Variants in TAFA5 observed in about 807,000 individuals in gnomAD.
The protein encoded by TAFA5 is TAFA chemokine like family member 5.
Under a neutral mutation model 15.3 loss-of-function variants are expected in TAFA5, and 6 were observed. The observed-to-expected ratio is 0.39, with a 90% CI of 0.21 to 0.77. The LOEUF (loss-of-function observed/expected upper bound fraction) is 0.77, where lower values mean the gene tolerates loss of function less well. Among genes scored for constraint, TAFA5 ranks in the 30% least tolerant of loss-of-function variants. TAFA5 has a pLI of 0.41. For synonymous variants in TAFA5, 103 were observed against 80.7 expected (o/e 1.28, Z -1.48); for missense variants, 161 against 193.1 (o/e 0.83, Z 0.98).
intron 2 of TAFA5, among the ~76,000 whole-genome samples, chr22:48,687,513 C>T (rs13056754): frequency 3.9e-5 from 6 of 152,182 alleles, no homozygotes; most frequent in African/African-American, 1.4e-4. Context: ...AACTATGAAG[C>T]CTTCTGTGAG....
chr22:48,747,159 C>G (rs1003410033), intron 3 of TAFA5, among the ~76,000 whole-genome samples: 1 of 152,204 alleles, frequency 6.6e-6, no homozygotes, highest in African/African-American at 2.4e-5. Context: ...AGCCTAAGAA[C>G]TAAGGGGCCC....
intron 2 of TAFA5, among the ~76,000 whole-genome samples, chr22:48,654,731 C>T (rs907318724): frequency 3.9e-5 from 6 of 152,146 alleles, no homozygotes; most frequent in African/African-American, 1.4e-4. Flanking sequence ...AACTGTCTGG[C>T]GTGGAGGAAA....
chr22:48,626,745 C>G (rs1926037958), intron 1 of TAFA5, among the ~76,000 whole-genome samples: 1 of 152,216 alleles, frequency 6.6e-6, no homozygotes, highest in South Asian at 2.1e-4. Context: ...TGATGCTTAT[C>G]TAAAAGCTCA....
rs188887581 is a variant in TAFA5, at chr22:48,609,628, G to A, written c.113-36969G>A. On this transcript the variant is annotated intron_variant, in intron 1 of 3. Coordinates refer to ENST00000402357, the MANE Select transcript of TAFA5 (RefSeq NM_001082967.3). ...GCAAAAGAACCACCATGATTCTGAA[G>A]CTCACAGACCTGAGGATGGTGTATG... Among the ~76,000 whole-genome samples, 155 of 152,290 alleles carry A rather than the reference G, an allele frequency of 1.0e-3. 1 individual carries two copies. The highest frequency in any genetic ancestry group is 3.6e-3 in the African/African-American group (151 of 41,572).
rs1340906868 is a variant in TAFA5, at chr22:48,576,448, C to T, written c.113-70149C>T. On this transcript the variant is annotated intron_variant, in intron 1 of 3. Transcript: ENST00000402357. Reference sequence around the variant, plus strand: ...CGGCGCCTGGACCTTCGCTGCGCGACTTCGGGGGCGTCGGCCGAGTTGGGA... The same window carrying T: ...CGGCGCCTGGACCTTCGCTGCGCGATTTCGGGGGCGTCGGCCGAGTTGGGA... 15 of 1,377,158 alleles carry T rather than the reference C, an allele frequency of 1.1e-5. No individual in the cohort carries two copies. The East Asian group carries it at 4.6e-4, about 42-fold the overall frequency. The allele number at this position is 1,377,158 out of a possible 1,614,324, so 85.3% of individuals were successfully genotyped here.
At chr22:48,743,249 G>A (rs533728714) in intron 3 of TAFA5, among the ~76,000 whole-genome samples, 6 of 151,250 alleles carry the variant, frequency 4.0e-5, no homozygotes, top group South Asian at 4.2e-4. Flanking sequence ...CTGTGGTCAC[G>A]GTGTCTGCTG....
rs117338921 is a variant in TAFA5 at position 48,742,808 on chromosome 22, C to G, written c.391-7031C>G. On this transcript the variant is annotated intron_variant, in intron 3 of 3. Transcript: ENST00000402357. This position sits in a 1 kb window ranked among gnomAD's most constrained non-coding sequence, Gnocchi z 6.2. ...AGGAGAGATGGCCTGGGGTGCTCAG[C>G]GGGGCTGAGTCCCCAGCTGGGAGCT... 6.6e-6 allele frequency among the ~76,000 whole-genome samples: 1 copy of G among 152,148 alleles called. No homozygotes were observed. Among genetic ancestry groups the G allele is most frequent in the Admixed American group, 6.5e-5 (1 of 15,282 alleles).
At chr22:48,719,834 C>T (rs541284815) in intron 3 of TAFA5, among the ~76,000 whole-genome samples, 18 of 152,148 alleles carry the variant, frequency 1.2e-4, no homozygotes, top group South Asian at 4.1e-4. Flanking sequence ...TAAACAAAAA[C>T]GTATATGGCC....
At chr22:48,574,014 C>G (rs1284650729) in intron 1 of TAFA5, among the ~76,000 whole-genome samples, 2 of 152,172 alleles carry the variant, frequency 1.3e-5, no homozygotes, top group Non-Finnish European at 2.9e-5. Context: ...AACGACCTTG[C>G]TGGAGGTCAG....
chr22:48,676,542 C>T (rs983114801), intron 2 of TAFA5, among the ~76,000 whole-genome samples: 6 of 152,230 alleles, frequency 3.9e-5, no homozygotes, highest in African/African-American at 1.2e-4. Flanking sequence ...GGAGTCTACA[C>T]GGCTCCCACT....
intron 3 of TAFA5, 49 bp downstream of exon 3, chr22:48,707,893 G>A (rs1360122385): frequency 6.3e-7 from 1 of 1,587,930 alleles, no homozygotes; most frequent in Non-Finnish European, 8.6e-7. Flanking sequence ...GGGGGTATGT[G>A]TGTGCGGGCC....
chr22:48,618,432 T>C (rs954669867), intron 1 of TAFA5, among the ~76,000 whole-genome samples: 1 of 152,246 alleles, frequency 6.6e-6, no homozygotes, highest in Non-Finnish European at 1.5e-5. Flanking sequence ...GTAAATACTT[T>C]ATTGGAGCAA....
intron 2 of TAFA5, among the ~76,000 whole-genome samples, chr22:48,674,136 C>T (rs73889563): frequency 2.2e-4 from 34 of 152,322 alleles, no homozygotes; most frequent in African/African-American, 7.5e-4. Context: ...GCCCTCCGCC[C>T]TTCCTCCTGC....
chr22:48,663,448 G>A (rs115228393), intron 2 of TAFA5, among the ~76,000 whole-genome samples: 148 of 152,270 alleles, frequency 9.7e-4, no homozygotes, highest in Middle Eastern at 3.4e-3. Flanking sequence ...TGCAGCAGCC[G>A]GCACACGGTG....
At chr22:48,695,925 G>A (rs1928696945) in intron 2 of TAFA5, among the ~76,000 whole-genome samples, 1 of 152,130 alleles carries the variant, frequency 6.6e-6, no homozygotes. Flanking sequence ...GGGCCACACA[G>A]CCATCCTGCT....
intron 2 of TAFA5, among the ~76,000 whole-genome samples, chr22:48,677,067 G>C (rs540050212): frequency 3.9e-5 from 6 of 152,344 alleles, no homozygotes; most frequent in Non-Finnish European, 5.9e-5. Context: ...GACCACCCCA[G>C]AGCCACCCAT....
At chr22:48,709,867 A>G (rs1012285121) in intron 3 of TAFA5, among the ~76,000 whole-genome samples, 8 of 152,206 alleles carry the variant, frequency 5.3e-5, no homozygotes, top group African/African-American at 1.9e-4. Context: ...GCCCCTCCAA[A>G]GGCATCGAGG....
intron 2 of TAFA5, among the ~76,000 whole-genome samples, chr22:48,672,211 G>A (rs537083997): frequency 3.9e-5 from 6 of 152,302 alleles, no homozygotes; most frequent in Admixed American, 3.9e-4. Flanking sequence ...AGCCTTAGCC[G>A]ATGGACTCTG....
chr22:48,683,622 G>T (rs549545113), intron 2 of TAFA5, among the ~76,000 whole-genome samples: 2 of 152,260 alleles, frequency 1.3e-5, no homozygotes, highest in Non-Finnish European at 2.9e-5. Flanking sequence ...AGCCTAGGAG[G>T]CTGGGCCAGC....
Sources: gnomAD v4.1 joint callset for allele counts (sites outside exome capture counted in the v4.1 genomes callset) on GRCh38, gnomAD v4.1.1 for gene constraint, Gnocchi (gnomAD v3.1) non-coding constraint, MANE v1.5 for transcripts, NCBI Gene and HGNC (gene_info 2026-07-23, HGNC 2026-07-21) for gene names.